CCDC27: variants seen among roughly 807,000 people sequenced by gnomAD.
The protein encoded by CCDC27 is coiled-coil domain-containing protein 27.
Under a neutral mutation model 80.3 loss-of-function variants are expected in CCDC27, and 80 were observed. The ratio of observed to expected loss-of-function variants is 1.00; its 90% CI spans 0.83 to 1.20. The LOEUF is 1.20. Among genes scored for constraint, CCDC27 ranks in the 50% most tolerant of loss-of-function variants. The pLI is 0.00. For synonymous variants in CCDC27, 342 were observed against 334.3 expected, an observed-to-expected ratio of 1.02 and a Z score of -0.25; for missense variants, 815 against 809.4, an observed-to-expected ratio of 1.01 and a Z score of -0.08.
chr1:3,753,551 G>C (rs1015368293), intron 1 of CCDC27, among the ~76,000 whole-genome samples: 2 of 152,082 alleles, frequency 1.3e-5, no homozygotes, highest in African/African-American at 2.4e-5. Context: ...GGTCAGGCTG[G>C]TCTCAAACTC....
In CCDC27 at chr1:3,763,065, T is replaced by G; in HGVS notation, c.955-43T>G. 1 of 1,448,850 alleles carries G rather than the reference T, an allele frequency of 6.9e-7. No homozygotes were observed. The highest frequency in any genetic ancestry group is 1.5e-5 in the South Asian group (1 of 67,076). The allele number at this position is 1,448,850 out of a possible 1,614,324, so 89.7% of individuals were successfully genotyped here. On this transcript the variant is annotated intron_variant, in intron 6 of 11. Transcript: ENST00000294600. The surrounding 1 kb of genome is among the most constrained non-coding windows in gnomAD (Gnocchi z 7.5). ...GCATTAGAGCCCTCTGCCCTGGGGGTGCCCCGCAGCCCTGCCCAGCCCCTG... is the reference window on the plus strand; with the variant it reads ...GCATTAGAGCCCTCTGCCCTGGGGGGGCCCCGCAGCCCTGCCCAGCCCCTG...
At chr1:3,765,701 C>G (rs967763989) in intron 8 of CCDC27, among the ~76,000 whole-genome samples, 7 of 152,208 alleles carry the variant, frequency 4.6e-5, no homozygotes, top group African/African-American at 1.7e-4. Context: ...TGCACCACTT[C>G]TATTTCCTAC....
At chr1:3,757,656 C>T (rs2124591429) in intron 4 of CCDC27, among the ~76,000 whole-genome samples, 1 of 152,128 alleles carries the variant, frequency 6.6e-6, no homozygotes, top group Admixed American at 6.5e-5. Context: ...GGCGAGGTGG[C>T]TCACGCCTGT....
At chr1:3,762,559 T>A in intron 5 of CCDC27, 61 bp from the exon 6 acceptor site, 1 of 1,336,818 alleles carries the variant, frequency 7.5e-7, no homozygotes, top group Non-Finnish European at 1.0e-6. Context: ...CAGGCAGTGG[T>A]CTGTCCCTGG....
intron 1 of CCDC27, 127 bp downstream of exon 1, chr1:3,752,926 G>A (rs1642859397): frequency 1.8e-6 from 2 of 1,112,054 alleles, no homozygotes; most frequent in South Asian, 1.6e-5. Flanking sequence ...GGTTACCAAA[G>A]GGGGATTCCA....
chr1:3,771,588 G>A lies in CCDC27; in HGVS notation c.*65G>A, dbSNP rs1257309909. 8.3e-6 allele frequency: 13 copies of A among 1,564,990 alleles called. No homozygotes were observed. Among genetic ancestry groups the A allele is most frequent in the African/African-American group, 6.8e-5 (5 of 73,174 alleles). ...CCGGGGCCCAGCTCCAGAACCACCC[G>A]CCCCCACCATGCGTCCTGCTCTCAG... On this transcript the variant is annotated 3_prime_UTR_variant, in exon 12 of 12. Transcript: ENST00000294600.
chr1:3,754,421 G>A (rs1405583153), intron 2 of CCDC27, among the ~76,000 whole-genome samples, 180 bp downstream of exon 2: 1 of 152,152 alleles, frequency 6.6e-6, no homozygotes, highest in Non-Finnish European at 1.5e-5. Context: ...ATGAAGCTGG[G>A]GGTGGAGGGG....
intron 1 of CCDC27, 54 bp downstream of exon 1, chr1:3,752,853 C>G: frequency 6.5e-7 from 1 of 1,549,008 alleles, no homozygotes; most frequent in Non-Finnish European, 8.8e-7. Flanking sequence ...CCTGTTTCTT[C>G]TCCTCCCCAA....
rs1485369984 is a variant in CCDC27 at position 3,766,200 on chromosome 1, A to G, written c.1453-335A>G. The stretch of plus-strand genomic sequence containing the variant: ...TCATTTCTGAAATAACATTCCACCA[A>G]TCATCCTCATTTTAGCCTCCATGTT... On this transcript the variant is annotated intron_variant, in intron 8 of 11. Coordinates refer to ENST00000294600, the MANE Select transcript of CCDC27 (RefSeq NM_152492.3). This position sits in a 1 kb window ranked among gnomAD's most constrained non-coding sequence, Gnocchi z 6.1. Among the ~76,000 whole-genome samples the G allele has an allele frequency of 6.6e-6, 1 of 152,116 alleles. No individual in the cohort carries two copies. Among genetic ancestry groups the G allele is most frequent in the Non-Finnish European group, 1.5e-5 (1 of 68,004 alleles).
intron 8 of CCDC27, among the ~76,000 whole-genome samples, chr1:3,765,332 T>C (rs1324044285): frequency 6.6e-6 from 1 of 152,186 alleles, no homozygotes; most frequent in Non-Finnish European, 1.5e-5. Context: ...ATTGAGGGTG[T>C]GTTTTCATCT....
In CCDC27 at chr1:3,766,659, A is replaced by G. The variant is rs2124596979; in HGVS notation, c.1530+47A>G. 6.6e-7 allele frequency: 1 copy of G among 1,516,094 alleles called. No individual in the cohort carries two copies. Among genetic ancestry groups the G allele is most frequent in the Non-Finnish European group, 9.1e-7 (1 of 1,094,426 alleles). The allele number at this position is 1,516,094 out of a possible 1,614,324, so 93.9% of individuals were successfully genotyped here. A position where few individuals can be genotyped will look rare whatever the true frequency, so the allele number is the denominator to read the frequency against. On this transcript the variant is annotated intron_variant, in intron 9 of 11. Coordinates refer to ENST00000294600, the MANE Select transcript of CCDC27 (RefSeq NM_152492.3). This position sits in a 1 kb window ranked among gnomAD's most constrained non-coding sequence, Gnocchi z 6.1. Reference sequence around the variant, plus strand: ...AATGATCAGCCAGGCCACTGTTCTTACTGTAAGTCCCAACACAGCAAAGGG... The same window carrying G: ...AATGATCAGCCAGGCCACTGTTCTTGCTGTAAGTCCCAACACAGCAAAGGG...
chr1:3,756,935 C>T (rs771877513), intron 4 of CCDC27, 45 bp downstream of exon 4: 13 of 1,575,074 alleles, frequency 8.3e-6, no homozygotes, highest in East Asian at 2.3e-5. Flanking sequence ...ACCCCTCTCT[C>T]TGCGTCCGGC....
rs903782412 is a variant in CCDC27, at chr1:3,766,013, G to C, written c.1453-522G>C. ...GCCTCCTGAGGAGCTGGGACCACAG[G>C]TGCACACCACCACACCCAACCAATG... On this transcript the variant is annotated intron_variant, in intron 8 of 11. Coordinates refer to ENST00000294600, the MANE Select transcript of CCDC27 (RefSeq NM_152492.3). The surrounding 1 kb of genome is among the most constrained non-coding windows in gnomAD (Gnocchi z 6.1). 6.6e-6 allele frequency among the ~76,000 whole-genome samples: 1 copy of C among 152,058 alleles called. No individual in the cohort carries two copies. Among genetic ancestry groups the C allele is most frequent in the South Asian group, 2.1e-4 (1 of 4,830 alleles).
chr1:3,766,526 T>G lies in CCDC27; in HGVS notation c.1453-9T>G. 6.2e-7 allele frequency: 1 copy of G among 1,610,906 alleles called. No individual in the cohort carries two copies. Among genetic ancestry groups the G allele is most frequent in the Non-Finnish European group, 8.5e-7 (1 of 1,177,938 alleles). On this transcript the variant is annotated splice_polypyrimidine_tract_variant and intron_variant, in intron 8 of 11. Coordinates refer to ENST00000294600, the MANE Select transcript of CCDC27 (RefSeq NM_152492.3). This position sits in a 1 kb window ranked among gnomAD's most constrained non-coding sequence, Gnocchi z 6.1. ...AGTCCCCCAAGCCAACCCTTCTGTC[T>G]CCTTCCAGTTCTCCAACCTCCGAGA... is the stretch of plus-strand genomic sequence containing the variant.
intron 10 of CCDC27, among the ~76,000 whole-genome samples, chr1:3,767,867 T>TTA (rs1346882798): frequency 6.6e-6 from 1 of 152,198 alleles, no homozygotes; most frequent in African/African-American, 2.4e-5. Context: ...TGTAGCTCCT[T>TTA]TAACCAGACT....
At position 3,769,870 on chromosome 1, in the gene CCDC27, A is replaced by G. The variant is rs1343037975; in HGVS notation, c.1831A>G (p.Ile611Val). Residue 611 changes from isoleucine to valine, a missense_variant, in exon 11 of 12, where the codon ATC becomes GTC. Ile to Val is a conservative substitution (Grantham distance 29). Coordinates refer to ENST00000294600, the MANE Select transcript of CCDC27 (RefSeq NM_152492.3). The surrounding 1 kb of genome is among the most constrained non-coding windows in gnomAD (Gnocchi z 4.6). ...GGCCAACGAGATCTCTGACAATGAC[A>G]TCCTGGAAGCCCTGCAGGTATACCC... ...SLANEISDND[I>V]LEALQRIISE... The G allele has an allele frequency of 6.2e-7, 1 of 1,613,750 alleles. No homozygotes were observed. Among genetic ancestry groups the G allele is most frequent in the East Asian group, 2.2e-5 (1 of 44,872 alleles).
In CCDC27 at chr1:3,763,714, G is replaced by A; in HGVS notation, c.1330G>A (p.Ala444Thr). ...TCTGCCTCTGTGCCCAGGAGTGATT[G>A]CGTCTTTACAACAACAAGTGGATTT... is the stretch of plus-strand genomic sequence containing the variant. ...TRYSLATGVIASLQQQVDFQE... is the reference protein window; with the variant it reads ...TRYSLATGVITSLQQQVDFQE... The change falls in exon 8 of 12, where the codon GCG becomes ACG. Residue 444 changes from alanine (A) to threonine (T), a missense_variant. Coordinates refer to ENST00000294600, the MANE Select transcript of CCDC27 (RefSeq NM_152492.3). This position sits in a 1 kb window ranked among gnomAD's most constrained non-coding sequence, Gnocchi z 7.5. 6.2e-7 allele frequency: 1 copy of A among 1,614,146 alleles called. No individual in the cohort carries two copies. The highest frequency in any genetic ancestry group is 8.5e-7 in the Non-Finnish European group (1 of 1,179,996).
Position 3,761,232 on chromosome 1 carries a change from AGTGT to A in CCDC27, c.712-45_712-42del. 6.3e-7 allele frequency: 1 copy of A among 1,595,004 alleles called. No individual in the cohort carries two copies. The highest frequency in any genetic ancestry group is 8.6e-7 in the Non-Finnish European group (1 of 1,169,510). On this transcript the variant is annotated intron_variant, in intron 4 of 11. Coordinates refer to ENST00000294600, the MANE Select transcript of CCDC27 (RefSeq NM_152492.3). The surrounding 1 kb of genome is among the most constrained non-coding windows in gnomAD (Gnocchi z 5.0). Reference sequence around the variant, plus strand: ...TGGGCTGGAGGCAGGTCAGGGGAAGAGTGTGTGGCTGCATGGCCCACGGGGGCTG... The same window carrying A: ...TGGGCTGGAGGCAGGTCAGGGGAAGAGTGGCTGCATGGCCCACGGGGGCTG...
chr1:3,759,081 G>A (rs984728211), intron 4 of CCDC27, among the ~76,000 whole-genome samples: 1 of 152,084 alleles, frequency 6.6e-6, no homozygotes, highest in African/African-American at 2.4e-5. Flanking sequence ...GCTGGACGTG[G>A]TGGCAGGTGC....
Sources: gnomAD v4.1 joint callset for allele counts (sites outside exome capture counted in the v4.1 genomes callset) on GRCh38, gnomAD v4.1.1 for gene constraint, Gnocchi (gnomAD v3.1) non-coding constraint, MANE v1.5 for transcripts, NCBI Gene and HGNC (gene_info 2026-07-23, HGNC 2026-07-21) for gene names.